Variants in DOCK1 observed in about 807,000 individuals in gnomAD.
DOCK1 encodes the protein dedicator of cytokinesis protein 1.
Under a neutral mutation model 262.7 loss-of-function variants are expected in DOCK1, and 138 were observed. That is an observed-to-expected ratio of 0.53 (90% CI 0.46 to 0.61). DOCK1 has a LOEUF of 0.61. DOCK1 is among the 20% of genes least tolerant of loss of function. The probability of loss-of-function intolerance (pLI) is 0.00; values close to 1 mark genes in which losing one functional copy is unlikely to be tolerated. For missense variants in DOCK1, 1,908 were observed against 2,370.7 expected (o/e 0.80, Z 4.05); for synonymous variants, 866 against 867.4 (o/e 1.00, Z 0.03).
rs529048484 is a variant in DOCK1, at chr10:127,133,721, T to G, written c.2847+5957T>G. Among the ~76,000 whole-genome samples, 6 of 152,350 alleles carry G rather than the reference T, an allele frequency of 3.9e-5. No homozygotes were observed. In the South Asian group the frequency reaches 6.2e-4, roughly 16 times the overall value. ...AGCAAAGATATTTGCAAAACCAGAC[T>G]GCCTTAAGTTAATTTTTGCGCAACT... On this transcript the variant is annotated intron_variant, in intron 27 of 51. Coordinates refer to ENST00000623213, the MANE Select transcript of DOCK1 (RefSeq NM_001290223.2).
At chr10:127,203,381 C>T (rs1379109153) in intron 27 of DOCK1, among the ~76,000 whole-genome samples, 1 of 152,008 alleles carries the variant, frequency 6.6e-6, no homozygotes, top group Non-Finnish European at 1.5e-5. Context: ...AATTACCTAC[C>T]CTTGACATTT....
chr10:127,103,822 A>G (rs534857752), intron 23 of DOCK1, among the ~76,000 whole-genome samples: 1 of 152,306 alleles, frequency 6.6e-6, no homozygotes, highest in Admixed American at 6.5e-5. Context: ...CAGGAGTACA[A>G]TGGCTGGGTG....
intron 27 of DOCK1, among the ~76,000 whole-genome samples, chr10:127,149,525 G>A (rs932410501): frequency 6.6e-6 from 1 of 152,150 alleles, no homozygotes; most frequent in Non-Finnish European, 1.5e-5. Flanking sequence ...CCAGGCAGCC[G>A]GGTCTTGAAC....
In DOCK1 at chr10:127,397,126, G is replaced by A. The variant is rs530768160; in HGVS notation, c.3928-5929G>A. ...CAGTTACACGGGCGGTGTCTCCTAT[G>A]TGATCTGAGCATCAGTTACACGGGC... On this transcript the variant is annotated intron_variant, in intron 38 of 51. Transcript: ENST00000623213. Among the ~76,000 whole-genome samples, 2 of 146,582 alleles carry A rather than the reference G, an allele frequency of 1.4e-5. 1 individual carries two copies. Among genetic ancestry groups the A allele is most frequent in the South Asian group, 4.3e-4 (2 of 4,614 alleles).
At chr10:127,209,601 C>G (rs1282223852) in intron 27 of DOCK1, among the ~76,000 whole-genome samples, 1 of 152,170 alleles carries the variant, frequency 6.6e-6, no homozygotes, top group African/African-American at 2.4e-5. Context: ...AGGGCATCAT[C>G]AAATCCATTT....
In DOCK1 at chr10:127,000,288, G is replaced by C; in HGVS notation, c.966G>C (p.Arg322=). The C allele has an allele frequency of 6.2e-7, 1 of 1,613,992 alleles. No homozygotes were observed. The highest frequency in any genetic ancestry group is 8.5e-7 in the Non-Finnish European group (1 of 1,179,872). Residue 322 remains arginine (R), a synonymous_variant, in exon 10 of 52, where the codon CGG becomes CGC. Transcript: ENST00000623213. The part of the protein sequence containing the change: ...NNTRKLTSGL[R]RPFGVAVMDV... ...CCAGGAAACTGACCTCGGGGTTGCG[G>C]CGACCTTTTGGAGTGGCTGGTAATC...
intron 48 of DOCK1, 50 bp downstream of exon 48, chr10:127,433,478 A>G: frequency 6.3e-7 from 1 of 1,585,480 alleles, no homozygotes; most frequent in South Asian, 1.1e-5. Flanking sequence ...GGCTTGGGGG[A>G]TCTGGAAGGA....
intron 48 of DOCK1, among the ~76,000 whole-genome samples, chr10:127,434,677 G>T (rs1205811628): frequency 1.4e-5 from 2 of 143,138 alleles, no homozygotes; most frequent in African/African-American, 5.2e-5. Context: ...TTTTTGAGAC[G>T]GAGTCTCCCT....
chr10:126,910,945 T>G (rs952011338), intron 1 of DOCK1, among the ~76,000 whole-genome samples: 2 of 152,194 alleles, frequency 1.3e-5, no homozygotes, highest in African/African-American at 4.8e-5. Flanking sequence ...ATGCCCCAGA[T>G]TAACTGTTCA....
At chr10:127,288,266 A>T (rs953171538) in intron 29 of DOCK1, among the ~76,000 whole-genome samples, 2 of 152,200 alleles carry the variant, frequency 1.3e-5, no homozygotes, top group African/African-American at 2.4e-5. Context: ...GTAGTCTTTG[A>T]TAATGGCTTT....
Position 127,362,081 on chromosome 10 carries a change from T to G in DOCK1, c.3301T>G (p.Phe1101Val). The change falls in exon 33 of 52, where the codon TTC becomes GTC. Residue 1101 changes from phenylalanine (F) to valine (V), a missense_variant. Physicochemically the swap from Phe to Val is conservative, Grantham distance 50. Coordinates refer to ENST00000623213, the MANE Select transcript of DOCK1 (RefSeq NM_001290223.2). ...TTTCCAAGGTCAACACAAGATAAAG[T>G]TCATTCCAGAAATGGTGGGCCCAAT... ...WYNLGQHKIK[F>V]IPEMVGPILE... 6.2e-7 allele frequency: 1 copy of G among 1,611,330 alleles called. No individual in the cohort carries two copies. The highest frequency in any genetic ancestry group is 8.5e-7 in the Non-Finnish European group (1 of 1,179,236).
chr10:127,402,482 CT>C (rs2067278719), intron 38 of DOCK1, among the ~76,000 whole-genome samples: 1 of 152,170 alleles, frequency 6.6e-6, no homozygotes, highest in South Asian at 2.1e-4. Flanking sequence ...AAAGTTCCCC[CT>C]TTTCAAAATG....
intron 16 of DOCK1, among the ~76,000 whole-genome samples, chr10:127,030,450 G>A (rs2043162021): frequency 2.6e-5 from 4 of 152,284 alleles, no homozygotes; most frequent in Middle Eastern, 6.8e-3. Context: ...GGGCCTCTGC[G>A]CTAGGTCCCC....
At position 127,280,033 on chromosome 10, in the gene DOCK1, TAA is replaced by T. The variant is rs1491573114; in HGVS notation, c.3044+22605_3044+22606del. On this transcript the variant is annotated intron_variant, in intron 29 of 51. Transcript: ENST00000623213. ...TCATATATATATATATATATATATA[TAA>T]TTTTTTTTTTTTTTTTTGAGACGGA... Among the ~76,000 whole-genome samples, 935 of 107,258 alleles carry T rather than the reference TAA, an allele frequency of 8.7e-3. 20 individuals carry two copies. The East Asian group carries it at 0.092, about 11-fold the overall frequency. The allele number at this position is 107,258 out of a possible 152,430, so 70.4% of individuals were successfully genotyped here.
chr10:127,135,642 C>A (rs2050627068), intron 27 of DOCK1: 1 of 152,604 alleles, frequency 6.6e-6, no homozygotes, highest in Non-Finnish European at 1.5e-5. Context: ...ATGATTTTGA[C>A]AATAGTTTTT....
chr10:127,377,780 TA>T (rs2065586748), intron 35 of DOCK1, among the ~76,000 whole-genome samples: 2 of 150,622 alleles, frequency 1.3e-5, no homozygotes, highest in African/African-American at 4.9e-5. Flanking sequence ...TAATCCCAGG[TA>T]CTCGGGAGGC....
intron 29 of DOCK1, among the ~76,000 whole-genome samples, chr10:127,278,147 C>T (rs2060812601): frequency 6.6e-6 from 1 of 152,128 alleles, no homozygotes; most frequent in Non-Finnish European, 1.5e-5. Flanking sequence ...TTTTTAAACA[C>T]TCTGTTAAAC....
intron 27 of DOCK1, chr10:127,136,543 A>G (rs538783543): frequency 6.5e-6 from 1 of 152,728 alleles, no homozygotes; most frequent in South Asian, 2.1e-4. Context: ...AAATTGATAG[A>G]CAAAGTCATT....
chr10:127,174,547 T>A (rs1403267071), intron 27 of DOCK1, among the ~76,000 whole-genome samples: 2 of 152,116 alleles, frequency 1.3e-5, no homozygotes, highest in Non-Finnish European at 2.9e-5. Context: ...GGCCGTGAAG[T>A]TAGTATCATT....
Sources: gnomAD v4.1 joint callset for allele counts (sites outside exome capture counted in the v4.1 genomes callset) on GRCh38, gnomAD v4.1.1 for gene constraint, MANE v1.5 for transcripts, NCBI Gene and HGNC (gene_info 2026-07-23, HGNC 2026-07-21) for gene names.